The following DLG2 variants were observed in gnomAD, a reference collection of about 807,000 sequenced individuals.
DLG2 encodes the protein discs large MAGUK scaffold protein 2.
DLG2 carries 45 observed loss-of-function variants against 132.5 expected under a neutral mutation model. The observed-to-expected ratio is 0.34, with a 90% CI of 0.27 to 0.44. The LOEUF (loss-of-function observed/expected upper bound fraction) is 0.44, where lower values mean the gene tolerates loss of function less well. Ranked by LOEUF, DLG2 falls within the 20% of genes least tolerant of loss-of-function variation. DLG2 has a pLI of 1.00. For missense variants in DLG2, 1,045 were observed against 1,196.9 expected, an observed-to-expected ratio of 0.87 and a Z score of 1.87; for synonymous variants, 424 against 419.6, an observed-to-expected ratio of 1.01 and a Z score of -0.13.
intron 18 of DLG2, among the ~76,000 whole-genome samples, chr11:83,782,158 G>A (rs149651654): frequency 2.6e-3 from 401 of 152,278 alleles, no homozygotes; most frequent in African/African-American, 9.3e-3. Flanking sequence ...AACACCAAAT[G>A]TCCAAACCAG....
intron 3 of DLG2, among the ~76,000 whole-genome samples, chr11:85,322,681 C>T (rs2081159768): frequency 6.6e-6 from 1 of 152,146 alleles, no homozygotes; most frequent in Admixed American, 6.5e-5. Context: ...ACTAGTATTT[C>T]TTACATCCAG....
intron 6 of DLG2, among the ~76,000 whole-genome samples, chr11:84,834,269 C>G (rs1391842157): frequency 6.6e-6 from 1 of 151,468 alleles, no homozygotes; most frequent in African/African-American, 2.4e-5. Flanking sequence ...TAAAGCTAAG[C>G]AAAGAAAAAA....
intron 6 of DLG2, among the ~76,000 whole-genome samples, chr11:85,066,813 A>C (rs1282693021): frequency 2.0e-5 from 3 of 151,740 alleles, no homozygotes; most frequent in South Asian, 2.1e-4. Context: ...AGCCATATAC[A>C]ACAAACCTAC....
At chr11:84,439,002 T>C (rs1301200778) in intron 7 of DLG2, among the ~76,000 whole-genome samples, 1 of 152,074 alleles carries the variant, frequency 6.6e-6, no homozygotes, top group African/African-American at 2.4e-5. Context: ...CAAAAGTATA[T>C]TGTAAAGGAT....
chr11:84,065,767 T>G (rs1369552366), intron 10 of DLG2, among the ~76,000 whole-genome samples: 1 of 152,208 alleles, frequency 6.6e-6, no homozygotes, highest in Non-Finnish European at 1.5e-5. Flanking sequence ...TATGCACACA[T>G]ATGTTCAACA....
intron 6 of DLG2, among the ~76,000 whole-genome samples, chr11:84,850,759 T>A (rs1236098795): frequency 6.6e-6 from 1 of 151,958 alleles, no homozygotes; most frequent in Non-Finnish European, 1.5e-5. Flanking sequence ...CAATGAATAA[T>A]CCAAAAATGA....
intron 7 of DLG2, among the ~76,000 whole-genome samples, chr11:84,263,773 C>A (rs897188482): frequency 1.3e-5 from 2 of 151,956 alleles, no homozygotes; most frequent in African/African-American, 4.8e-5. Flanking sequence ...TATTTTATAT[C>A]TAGAATGATT....
At chr11:84,347,940 C>A (rs982430579) in intron 7 of DLG2, among the ~76,000 whole-genome samples, 1 of 152,144 alleles carries the variant, frequency 6.6e-6, no homozygotes, top group African/African-American at 2.4e-5. Flanking sequence ...CCCATTCTGA[C>A]AATTTGTGAT....
At chr11:84,631,248 C>G (rs1426048081) in intron 6 of DLG2, among the ~76,000 whole-genome samples, 1 of 112,036 alleles carries the variant, frequency 8.9e-6, no homozygotes, top group East Asian at 2.6e-4. Context: ...CAGGCTTAGA[C>G]CAGTAATTAG....
At chr11:85,159,675 A>T (rs1331209900) in intron 4 of DLG2, among the ~76,000 whole-genome samples, 1 of 152,088 alleles carries the variant, frequency 6.6e-6, no homozygotes. Context: ...GAGCAAATTA[A>T]CTCCTGGTAC....
At chr11:84,781,279 A>G (rs1037134145) in intron 6 of DLG2, among the ~76,000 whole-genome samples, 2 of 152,116 alleles carry the variant, frequency 1.3e-5, no homozygotes, top group African/African-American at 4.8e-5. Flanking sequence ...ATATAATTTG[A>G]AACACAGATA....
At chr11:84,865,893 T>A (rs555816928) in intron 6 of DLG2, among the ~76,000 whole-genome samples, 1 of 152,194 alleles carries the variant, frequency 6.6e-6, no homozygotes, top group Non-Finnish European at 1.5e-5. Flanking sequence ...AACACATTTT[T>A]AAAATCTTCA....
chr11:84,331,450 A>AC (rs199897172), intron 7 of DLG2, among the ~76,000 whole-genome samples: 8 of 138,400 alleles, frequency 5.8e-5, no homozygotes, highest in African/African-American at 2.1e-4. Context: ...TCAAAAAAAA[A>AC]AAAAAAAAAA....
intron 6 of DLG2, among the ~76,000 whole-genome samples, chr11:84,881,157 G>T (rs1041842895): frequency 1.3e-5 from 2 of 152,084 alleles, no homozygotes; most frequent in African/African-American, 4.8e-5. Context: ...GTAAGTGCCT[G>T]CTGATCAGAC....
In DLG2 at chr11:85,574,500, C is replaced by T. The variant is rs79659467; in HGVS notation, c.40+24157G>A. Among the ~76,000 whole-genome samples the T allele has an allele frequency of 2.4e-3, 372 of 152,054 alleles. 1 individual carries two copies. The highest frequency in any genetic ancestry group is 4.4e-3 in the Non-Finnish European group (298 of 67,976). ...CTGCCACCCAATCCATTAGCAAACT[C>T]CTTAGCTCAGATATAGTTTGGATAT... On this transcript the variant is annotated intron_variant, in intron 3 of 27. Coordinates refer to ENST00000376104, the MANE Select transcript of DLG2 (RefSeq NM_001142699.3).
At chr11:85,008,060 T>C (rs1566634539) in intron 6 of DLG2, among the ~76,000 whole-genome samples, 2 of 152,192 alleles carry the variant, frequency 1.3e-5, no homozygotes, top group Non-Finnish European at 2.9e-5. Flanking sequence ...CCATAAAATA[T>C]ATGAATAGTC....
intron 7 of DLG2, among the ~76,000 whole-genome samples, chr11:84,522,580 T>C (rs542858907): frequency 4.3e-4 from 65 of 152,328 alleles, no homozygotes; most frequent in Middle Eastern, 3.4e-3. Flanking sequence ...TGGAAGAATG[T>C]ATCCTGGGAG....
chr11:84,822,502 G>T (rs770533181), intron 6 of DLG2, among the ~76,000 whole-genome samples: 1 of 151,760 alleles, frequency 6.6e-6, no homozygotes, highest in Non-Finnish European at 1.5e-5. Flanking sequence ...ATTTAAACTC[G>T]CCTCAAAAGT....
chr11:84,362,716 G>A (rs1345255667), intron 7 of DLG2, among the ~76,000 whole-genome samples: 1 of 151,826 alleles, frequency 6.6e-6, no homozygotes, highest in Non-Finnish European at 1.5e-5. Flanking sequence ...GTGTCCATGT[G>A]TTCTCATTGT....
Sources: allele counts gnomAD v4.1 joint callset (sites outside exome capture counted in the v4.1 genomes callset), GRCh38; gene constraint gnomAD v4.1.1; transcripts MANE v1.5; gene names NCBI Gene and HGNC (gene_info 2026-07-23, HGNC 2026-07-21).